Variants in CACNA1C observed in about 807,000 individuals in gnomAD.
CACNA1C encodes the protein voltage-dependent L-type calcium channel subunit alpha-1C.
Under a neutral mutation model 229.0 loss-of-function variants are expected in CACNA1C, and 30 were observed. That is an observed-to-expected ratio of 0.13 (90% CI 0.10 to 0.18). CACNA1C has a LOEUF of 0.18. Among genes scored for constraint, CACNA1C ranks in the 10% least tolerant of loss-of-function variants. The pLI is 1.00. For synonymous variants in CACNA1C, 1,114 were observed against 1,132.5 expected, an observed-to-expected ratio of 0.98 and a Z score of 0.33; for missense variants, 1,658 against 2,845.0, an observed-to-expected ratio of 0.58 and a Z score of 9.49.
intron 1 of CACNA1C, among the ~76,000 whole-genome samples, chr12:2,112,894 A>G (rs565286714): frequency 2.0e-5 from 3 of 152,368 alleles, no homozygotes; most frequent in African/African-American, 7.2e-5. Flanking sequence ...TGGAAAGGAT[A>G]TAGACTGGAG....
intron 3 of CACNA1C, among the ~76,000 whole-genome samples, chr12:2,179,690 T>C (rs996325655): frequency 2.0e-5 from 3 of 152,114 alleles, no homozygotes; most frequent in African/African-American, 4.8e-5. Context: ...ATGAGTGAAG[T>C]TGGAAAATGG....
intron 3 of CACNA1C, among the ~76,000 whole-genome samples, chr12:2,381,570 T>G (rs1032370780): frequency 6.6e-6 from 1 of 152,222 alleles, no homozygotes; most frequent in African/African-American, 2.4e-5. Flanking sequence ...GAAGCCTGGC[T>G]CCTTGCCTCC....
intron 3 of CACNA1C, among the ~76,000 whole-genome samples, chr12:2,173,340 T>C (rs2154266880): frequency 6.6e-6 from 1 of 152,314 alleles, no homozygotes; most frequent in East Asian, 1.9e-4. Flanking sequence ...TCATTAACCT[T>C]TTATTCAACG....
chr12:2,682,890 CACAG>C (rs1569247831), intron 43 of CACNA1C, among the ~76,000 whole-genome samples: 1 of 90,890 alleles, frequency 1.1e-5, no homozygotes, highest in African/African-American at 3.4e-5. Flanking sequence ...CACACACACA[CACAG>C]ACACACACAA....
In CACNA1C at chr12:2,585,849, C is replaced by T; in HGVS notation, c.2475C>T (p.Asp825=). The T allele has an allele frequency of 1.2e-6, 2 of 1,608,716 alleles. No homozygotes were observed. Among genetic ancestry groups the T allele is most frequent in the Non-Finnish European group, 1.7e-6 (2 of 1,177,116 alleles). ...SPPATKINMD[D]LQPNENEDKS... Reference sequence around the variant, plus strand: ...TGACTGTCTAGATCAACATGGATGACCTCCAGCCCAATGAAAATGAGGATA... The same window carrying T: ...TGACTGTCTAGATCAACATGGATGATCTCCAGCCCAATGAAAATGAGGATA... Residue 825 remains aspartate, a synonymous_variant, in exon 18 of 47, where the codon GAC becomes GAT. Transcript: ENST00000399655. The surrounding 1 kb of genome is among the most constrained non-coding windows in gnomAD (Gnocchi z 4.1).
intron 3 of CACNA1C, among the ~76,000 whole-genome samples, chr12:2,177,242 C>G (rs926066673): frequency 1.3e-5 from 2 of 152,162 alleles, no homozygotes; most frequent in Non-Finnish European, 2.9e-5. Context: ...ACGATACAAG[C>G]CGCCTCTATC....
chr12:2,477,170 A>G (rs1038164870), intron 5 of CACNA1C, among the ~76,000 whole-genome samples: 2 of 152,238 alleles, frequency 1.3e-5, no homozygotes, highest in African/African-American at 4.8e-5. Flanking sequence ...AGCCAGTGCA[A>G]CATGATTCAT....
intron 3 of CACNA1C, among the ~76,000 whole-genome samples, chr12:2,216,417 A>G (rs936396073): frequency 6.6e-6 from 1 of 152,244 alleles, no homozygotes. Flanking sequence ...AAAGGCTTCA[A>G]CTGGAGGAGG....
intron 34 of CACNA1C, among the ~76,000 whole-genome samples, chr12:2,658,827 T>C (rs909264873): frequency 6.8e-6 from 1 of 147,964 alleles, no homozygotes; most frequent in Non-Finnish European, 1.5e-5. Context: ...ATGTGTGGGT[T>C]TGTGTCTCAG....
intron 13 of CACNA1C, among the ~76,000 whole-genome samples, chr12:2,578,877 G>A (rs1447479671): frequency 6.6e-6 from 1 of 152,124 alleles, no homozygotes; most frequent in Non-Finnish European, 1.5e-5. Context: ...CCACGTCCTT[G>A]CCTTTGGCCT....
intron 29 of CACNA1C, among the ~76,000 whole-genome samples, chr12:2,617,913 A>G (rs2081418503): frequency 1.3e-5 from 2 of 152,228 alleles, no homozygotes; most frequent in Admixed American, 6.5e-5. Context: ...AGCTCTGTCC[A>G]TGTCTAGAAA....
intron 13 of CACNA1C, among the ~76,000 whole-genome samples, chr12:2,573,751 G>A (rs747790661): frequency 1.3e-5 from 2 of 152,208 alleles, no homozygotes; most frequent in African/African-American, 2.4e-5. Flanking sequence ...TCCAAAGTTT[G>A]TGAATAGTTT....
chr12:2,062,870 A>G (rs2058014790), intron 1 of CACNA1C, among the ~76,000 whole-genome samples: 1 of 152,122 alleles, frequency 6.6e-6, no homozygotes, highest in Middle Eastern at 3.2e-3. Flanking sequence ...AGTCCCGGGG[A>G]CCATCCCTGT....
chr12:2,498,652 A>T (rs1445752852), intron 7 of CACNA1C, among the ~76,000 whole-genome samples: 1 of 152,202 alleles, frequency 6.6e-6, no homozygotes. Flanking sequence ...AACACAGCTG[A>T]GCCATGGGGG....
At chr12:2,540,432 G>A (rs906508809) in intron 9 of CACNA1C, among the ~76,000 whole-genome samples, 2 of 152,144 alleles carry the variant, frequency 1.3e-5, no homozygotes, top group Non-Finnish European at 1.5e-5. Flanking sequence ...TGCGAACTGG[G>A]CCTCTGAGAA....
intron 3 of CACNA1C, among the ~76,000 whole-genome samples, chr12:2,203,748 G>T (rs149761064): frequency 1.8e-3 from 268 of 152,264 alleles, no homozygotes; most frequent in African/African-American, 6.3e-3. Flanking sequence ...GGGCCCTCTG[G>T]CATCTCCTCT....
chr12:1,975,553 C>G (rs1262976059), intron 1 of CACNA1C, among the ~76,000 whole-genome samples: 1 of 151,790 alleles, frequency 6.6e-6, no homozygotes, highest in African/African-American at 2.4e-5. Flanking sequence ...GTTTTGGAAC[C>G]CAGCTTTTCT....
intron 3 of CACNA1C, among the ~76,000 whole-genome samples, chr12:2,173,214 A>G (rs1289252272): frequency 6.6e-6 from 1 of 152,130 alleles, no homozygotes; most frequent in African/African-American, 2.4e-5. Flanking sequence ...GTCTGAGGGG[A>G]GAAGTTAGGA....
At chr12:2,460,962 A>G (rs756583065) in intron 5 of CACNA1C, among the ~76,000 whole-genome samples, 58 of 152,342 alleles carry the variant, frequency 3.8e-4, no homozygotes, top group Non-Finnish European at 7.2e-4. Flanking sequence ...GGTTGGTGTC[A>G]TCTACAAAGA....
Sources: allele counts gnomAD v4.1 joint callset (sites outside exome capture counted in the v4.1 genomes callset), GRCh38; gene constraint gnomAD v4.1.1; non-coding constraint Gnocchi (gnomAD v3.1); transcripts MANE v1.5; gene names NCBI Gene and HGNC (gene_info 2026-07-23, HGNC 2026-07-21).